SORCS3: variants seen among roughly 807,000 people sequenced by gnomAD.
SORCS3 encodes sortilin related VPS10 domain containing receptor 3.
In SORCS3, 57 loss-of-function variants were observed where a neutral mutation model predicts 146.3. That is an observed-to-expected ratio of 0.39 (90% CI 0.31 to 0.49). The LOEUF (loss-of-function observed/expected upper bound fraction) is 0.49. Among genes scored for constraint, SORCS3 ranks in the 20% least tolerant of loss-of-function variants. The pLI, the probability that SORCS3 is intolerant of heterozygous loss-of-function variation, is 0.92. For synonymous variants in SORCS3, 653 were observed against 618.5 expected, an observed-to-expected ratio of 1.06 and a Z score of -0.83; for missense variants, 1,341 against 1,575.5, an observed-to-expected ratio of 0.85 and a Z score of 2.52.
rs138847447 is a variant in SORCS3 at position 105,204,688 on chromosome 10, T to C, written c.2261+3435T>C. ...AGATGCTCAGTTTGTGGTCATAATC[T>C]CAGAACACAAACAAAAAAAAAACTC... On this transcript the variant is annotated intron_variant, in intron 16 of 26. Transcript: ENST00000369701. 2.1e-5 allele frequency among the ~76,000 whole-genome samples: 3 copies of C among 141,836 alleles called. No individual in the cohort carries two copies. In the East Asian group the frequency reaches 6.3e-4, roughly 30 times the overall value. 93.0% of individuals were successfully genotyped at this position (141,836 alleles called of 152,430 possible).
intron 1 of SORCS3, among the ~76,000 whole-genome samples, chr10:104,715,362 G>A (rs758571361): frequency 5.2e-4 from 79 of 152,260 alleles, no homozygotes; most frequent in African/African-American, 9.1e-4. Context: ...TTGGATGTTG[G>A]AGTTTCTGGT....
chr10:104,958,490 C>T (rs2054768614), intron 3 of SORCS3, among the ~76,000 whole-genome samples: 2 of 152,074 alleles, frequency 1.3e-5, no homozygotes, highest in African/African-American at 2.4e-5. Context: ...GGAGAGTACC[C>T]TGGATTATCA....
intron 4 of SORCS3, among the ~76,000 whole-genome samples, chr10:104,996,507 C>T (rs930582394): frequency 6.6e-6 from 1 of 152,004 alleles, no homozygotes; most frequent in Non-Finnish European, 1.5e-5. Flanking sequence ...GTTGCCAGTA[C>T]ATAGAACAAA....
At chr10:104,940,470 C>T (rs1377551271) in intron 3 of SORCS3, among the ~76,000 whole-genome samples, 4 of 145,216 alleles carry the variant, frequency 2.8e-5, no homozygotes, top group South Asian at 2.3e-4. Context: ...TCAATTCCCA[C>T]CTATGAGTGA....
At chr10:104,913,766 C>CTTTTTTTTTTTT (rs35484660) in intron 2 of SORCS3, among the ~76,000 whole-genome samples, 2 of 106,482 alleles carry the variant, frequency 1.9e-5, no homozygotes, top group African/African-American at 3.8e-5. Context: ...TATCCCCATT[C>CTTTTTTTTTTTT]TTTTTTTTTT....
chr10:104,697,925 C>G (rs1030084169), intron 1 of SORCS3, among the ~76,000 whole-genome samples: 1 of 152,126 alleles, frequency 6.6e-6, no homozygotes, highest in African/African-American at 2.4e-5. Flanking sequence ...GGTCCTGCCT[C>G]TGGTTTAATT....
intron 2 of SORCS3, among the ~76,000 whole-genome samples, chr10:104,876,383 A>G (rs533535277): frequency 2.0e-5 from 3 of 152,268 alleles, no homozygotes; most frequent in South Asian, 2.1e-4. Context: ...AGCAAGTTAG[A>G]TTCCAAAATA....
At chr10:105,003,997 T>G (rs1382590828) in intron 4 of SORCS3, among the ~76,000 whole-genome samples, 1 of 115,380 alleles carries the variant, frequency 8.7e-6, no homozygotes, top group African/African-American at 5.2e-5. Flanking sequence ...TTCTCTTCTC[T>G]CTCTTTTTTT....
At chr10:104,851,829 T>C (rs951776852) in intron 2 of SORCS3, among the ~76,000 whole-genome samples, 2 of 152,240 alleles carry the variant, frequency 1.3e-5, no homozygotes, top group Non-Finnish European at 2.9e-5. Flanking sequence ...CCAATTACTT[T>C]ATTGGACATA....
chr10:104,869,937 C>T (rs2018501168), intron 2 of SORCS3, among the ~76,000 whole-genome samples: 1 of 152,188 alleles, frequency 6.6e-6, no homozygotes, highest in Non-Finnish European at 1.5e-5. Flanking sequence ...CCTTGGTTTC[C>T]TCATTGTCAG....
Position 105,135,090 on chromosome 10 carries a change from C to A in SORCS3, c.1213-4307C>A, listed in dbSNP as rs778227108. Among the ~76,000 whole-genome samples, 5 of 152,186 alleles carry A rather than the reference C, an allele frequency of 3.3e-5. No homozygotes were observed. In the South Asian group the frequency reaches 6.2e-4, roughly 19 times the overall value. On this transcript the variant is annotated intron_variant, in intron 7 of 26. Transcript: ENST00000369701. ...GTCCAAAACCCAACAGGGTAAACAA[C>A]CTTAAATCTTGAGGCTTAAGAATAA...
At chr10:105,108,715 A>G (rs1037730095) in intron 7 of SORCS3, among the ~76,000 whole-genome samples, 3 of 152,186 alleles carry the variant, frequency 2.0e-5, no homozygotes, top group Admixed American at 6.6e-5. Flanking sequence ...AAACTTGAGA[A>G]AAACATTGGA....
chr10:104,867,238 A>G (rs932302412), intron 2 of SORCS3, among the ~76,000 whole-genome samples: 4 of 151,580 alleles, frequency 2.6e-5, no homozygotes, highest in Admixed American at 2.0e-4. Flanking sequence ...CTTTTTTTAA[A>G]GTGGTCAGGG....
intron 1 of SORCS3, among the ~76,000 whole-genome samples, chr10:104,769,319 T>C (rs981745029): frequency 1.5e-4 from 23 of 152,200 alleles, no homozygotes; most frequent in African/African-American, 5.1e-4. Flanking sequence ...GGGCTGGCTC[T>C]GGAGGCCATC....
At chr10:104,897,280 A>G (rs2018807728) in intron 2 of SORCS3, among the ~76,000 whole-genome samples, 1 of 152,232 alleles carries the variant, frequency 6.6e-6, no homozygotes. Context: ...TGATAATATA[A>G]TTCACACGAA....
chr10:104,751,965 ATAT>A (rs2016992709), intron 1 of SORCS3, among the ~76,000 whole-genome samples: 2 of 108,042 alleles, frequency 1.9e-5, no homozygotes, highest in Non-Finnish European at 3.7e-5. Flanking sequence ...ATATATATAT[ATAT>A]AATAGTTTAG....
chr10:105,155,371 T>C (rs574070976), intron 9 of SORCS3, among the ~76,000 whole-genome samples: 1 of 152,266 alleles, frequency 6.6e-6, no homozygotes, highest in South Asian at 2.1e-4. Context: ...CCAAATATTT[T>C]CATCCAAGAA....
At chr10:105,180,838 A>G (rs1018700927) in intron 14 of SORCS3, among the ~76,000 whole-genome samples, 1 of 152,160 alleles carries the variant, frequency 6.6e-6, no homozygotes, top group Non-Finnish European at 1.5e-5. Context: ...TTCTGATCTC[A>G]GTTTAAATAT....
At chr10:105,164,065 G>A (rs770313274) in intron 11 of SORCS3, among the ~76,000 whole-genome samples, 8 of 152,068 alleles carry the variant, frequency 5.3e-5, no homozygotes, top group Middle Eastern at 3.2e-3. Flanking sequence ...TGGACTAATC[G>A]ATATTGTCTT....
Sources: allele counts gnomAD v4.1 joint callset (sites outside exome capture counted in the v4.1 genomes callset), GRCh38; gene constraint gnomAD v4.1.1; transcripts MANE v1.5; gene names NCBI Gene and HGNC (gene_info 2026-07-23, HGNC 2026-07-21).